The following NAA11 variants were observed in gnomAD, a reference collection of about 807,000 sequenced individuals.
NAA11 encodes the protein N-alpha-acetyltransferase 11, NatA catalytic subunit, also known as N-alpha-acetyltransferase 11.
A neutral mutation model predicts 16.1 loss-of-function variants in NAA11; 15 were observed. That is an observed-to-expected ratio of 0.93 (90% CI 0.62 to 1.44). The LOEUF (loss-of-function observed/expected upper bound fraction) is 1.44. Ranked by LOEUF, NAA11 falls within the 40% of genes most tolerant of loss-of-function variation. The pLI is 0.00. For synonymous variants in NAA11, 122 were observed against 112.4 expected (o/e 1.09, Z -0.54); for missense variants, 298 against 291.3 (o/e 1.02, Z -0.17).
intron 2 of NAA11, among the ~76,000 whole-genome samples, chr4:79,289,826 G>C (rs554157735): frequency 6.6e-6 from 1 of 152,166 alleles, no homozygotes; most frequent in Admixed American, 6.5e-5. Context: ...GAAGATATCT[G>C]CTTGGATAAA....
At chr4:79,175,755 A>AG in the NAA11 span, among the ~76,000 whole-genome samples, 1 of 151,840 alleles carries the variant, frequency 6.6e-6, no homozygotes, top group Non-Finnish European at 1.5e-5. Context: ...AAAAAAAAAA[A>AG]AAAAAAAAAG....
the NAA11 span, among the ~76,000 whole-genome samples, chr4:79,172,412 T>C: frequency 1.3e-5 from 2 of 152,108 alleles, no homozygotes; most frequent in Non-Finnish European, 2.9e-5. Context: ...GAAAAAACAG[T>C]TTATCTGAGA....
chr4:79,193,115 T>TGGATA, the NAA11 span, among the ~76,000 whole-genome samples: 1 of 152,176 alleles, frequency 6.6e-6, no homozygotes, highest in East Asian at 1.9e-4. Flanking sequence ...TTGTAGATTC[T>TGGATA]GGATATTAGC....
At chr4:79,186,863 G>T in the NAA11 span, among the ~76,000 whole-genome samples, 1 of 152,104 alleles carries the variant, frequency 6.6e-6, no homozygotes, top group Admixed American at 6.6e-5. Context: ...ACTGAACATT[G>T]AAATGCATAT....
chr4:79,186,998 G>T, the NAA11 span, among the ~76,000 whole-genome samples: 1 of 152,158 alleles, frequency 6.6e-6, no homozygotes, highest in Non-Finnish European at 1.5e-5. Context: ...ACTGTCACAG[G>T]ACTCTCTTAG....
At chr4:79,307,614 C>T (rs149200485) in intron 1 of NAA11, among the ~76,000 whole-genome samples, 502 of 152,014 alleles carry the variant, frequency 3.3e-3, no homozygotes, top group Non-Finnish European at 5.1e-3. Flanking sequence ...AATAATGAGA[C>T]GAAGGTAAAA....
the NAA11 span, among the ~76,000 whole-genome samples, chr4:79,183,734 G>A: frequency 6.6e-6 from 1 of 151,606 alleles, no homozygotes; most frequent in East Asian, 1.9e-4. Context: ...GCCTCCCCTT[G>A]CTACTGAACA....
At chr4:79,248,833 C>T (rs1324474912) in intron 2 of NAA11, among the ~76,000 whole-genome samples, 1 of 152,160 alleles carries the variant, frequency 6.6e-6, no homozygotes, top group Non-Finnish European at 1.5e-5. Flanking sequence ...GCACTGTACC[C>T]ACCAGCTCCC....
At chr4:79,280,537 T>G (rs987455437) in intron 2 of NAA11, among the ~76,000 whole-genome samples, 2 of 152,074 alleles carry the variant, frequency 1.3e-5, no homozygotes, top group Non-Finnish European at 2.9e-5. Context: ...TTTGTTTGTT[T>G]TGTTTTGTCG....
intron 2 of NAA11, among the ~76,000 whole-genome samples, chr4:79,255,873 A>G (rs547698093): frequency 8.5e-5 from 13 of 152,362 alleles, no homozygotes; most frequent in Non-Finnish European, 1.6e-4. Flanking sequence ...TGGCATGCAG[A>G]TTAAAAGGTA....
the NAA11 span, among the ~76,000 whole-genome samples, chr4:79,167,370 C>T: frequency 6.8e-6 from 1 of 147,784 alleles, no homozygotes; most frequent in South Asian, 2.2e-4. Context: ...ACTTCAACAA[C>T]ACTTAACAGT....
the NAA11 span, among the ~76,000 whole-genome samples, chr4:79,209,870 A>G: frequency 2.0e-5 from 3 of 151,850 alleles, no homozygotes; most frequent in African/African-American, 4.8e-5. Flanking sequence ...ACACGGCAAA[A>G]CCTCATCTCT....
chr4:79,312,862 T>C (rs1235237123), downstream of NAA11, among the ~76,000 whole-genome samples: 1 of 152,122 alleles, frequency 6.6e-6, no homozygotes, highest in Admixed American at 6.5e-5. Context: ...AATTCCTTTA[T>C]TCAAAACCAT....
intron 2 of NAA11, among the ~76,000 whole-genome samples, chr4:79,247,197 G>C (rs907847118): frequency 1.3e-5 from 2 of 152,206 alleles, no homozygotes; most frequent in African/African-American, 4.8e-5. Flanking sequence ...TATTTTGATA[G>C]CTTGACTTTA....
intron 2 of NAA11, among the ~76,000 whole-genome samples, chr4:79,265,432 A>C (rs1181974656): frequency 6.6e-6 from 1 of 152,162 alleles, no homozygotes; most frequent in Admixed American, 6.5e-5. Context: ...ACTGAGAATA[A>C]AACTTCAAAT....
At chr4:79,264,335 A>G (rs1722299375) in intron 2 of NAA11, among the ~76,000 whole-genome samples, 1 of 152,210 alleles carries the variant, frequency 6.6e-6, no homozygotes, top group Admixed American at 6.5e-5. Flanking sequence ...CTTGTAACAT[A>G]AATTTTTTTA....
the NAA11 span, among the ~76,000 whole-genome samples, chr4:79,157,162 G>C: frequency 6.6e-6 from 1 of 151,930 alleles, no homozygotes; most frequent in Non-Finnish European, 1.5e-5. Flanking sequence ...ATATGAGTAA[G>C]TTCTTTAGCG....
the NAA11 span, among the ~76,000 whole-genome samples, chr4:79,205,393 T>G: frequency 6.6e-6 from 1 of 151,970 alleles, no homozygotes; most frequent in Non-Finnish European, 1.5e-5. Context: ...TGTTTGTTGG[T>G]CATTTGTATA....
At position 79,231,473 on chromosome 4, in the gene NAA11, T is replaced by C. The variant is rs116577459; in HGVS notation, c.*123-5203A>G. Among the ~76,000 whole-genome samples the C allele has an allele frequency of 6.2e-3, 941 of 152,038 alleles. 14 individuals are homozygous for C. The highest frequency in any genetic ancestry group is 0.021 in the African/African-American group (871 of 41,520). The stretch of plus-strand genomic sequence containing the variant: ...CACAACAAAATCCTGTGTCAATAGA[T>C]TGCAAAACAGCATAGCTGGTAGCAG... On this transcript the variant is annotated intron_variant and NMD_transcript_variant, in intron 2 of 2. Coordinates refer to the NAA11 transcript ENST00000511542.
Sources: gnomAD v4.1 joint callset for allele counts (sites outside exome capture counted in the v4.1 genomes callset) on GRCh38, gnomAD v4.1.1 for gene constraint, MANE v1.5 for transcripts, NCBI Gene and HGNC (gene_info 2026-07-23, HGNC 2026-07-21) for gene names.